LRRC75A: variants seen among roughly 807,000 people sequenced by gnomAD.
LRRC75A encodes the protein leucine-rich repeat-containing protein 75A.
In LRRC75A, 12 loss-of-function variants were observed where a neutral mutation model predicts 26.0. That is an observed-to-expected ratio of 0.46 (90% CI 0.30 to 0.75). LRRC75A has a LOEUF of 0.75. Among genes scored for constraint, LRRC75A ranks in the 30% least tolerant of loss-of-function variants. LRRC75A has a pLI of 0.08. For missense variants in LRRC75A, 410 were observed against 486.6 expected, an observed-to-expected ratio of 0.84 and a Z score of 1.48; for synonymous variants, 223 against 219.3, an observed-to-expected ratio of 1.02 and a Z score of -0.15.
intron 1 of LRRC75A, among the ~76,000 whole-genome samples, chr17:16,483,592 G>A (rs1039145951): frequency 5.3e-5 from 8 of 152,348 alleles, no homozygotes; most frequent in Non-Finnish European, 1.0e-4. Context: ...CTCAGCAGTG[G>A]TAGGGAAACT....
At position 16,483,233 on chromosome 17, in the gene LRRC75A, G is replaced by A. The variant is rs144384068; in HGVS notation, c.246+8512C>T. Among the ~76,000 whole-genome samples the A allele has an allele frequency of 8.5e-3, 1,300 of 152,378 alleles. 5 individuals carry two copies. Among genetic ancestry groups the A allele is most frequent in the Non-Finnish European group, 0.013 (901 of 68,028 alleles). On this transcript the variant is annotated intron_variant, in intron 1 of 3. Transcript: ENST00000470794. Reference sequence around the variant, plus strand: ...GTTTGTGGCACACAGGGCAGCTCGGGCCTCTGTGAGGGCTGGGCTTTGCTC... The same window carrying A: ...GTTTGTGGCACACAGGGCAGCTCGGACCTCTGTGAGGGCTGGGCTTTGCTC...
chr17:16,473,129 CTGTGTGTG>C (rs10640541), intron 1 of LRRC75A, among the ~76,000 whole-genome samples: 1 of 148,960 alleles, frequency 6.7e-6, no homozygotes, highest in Non-Finnish European at 1.5e-5. Context: ...TGTAAGTAGT[CTGTGTGTG>C]TGTGTGTGTG....
rs189391985 is a variant in LRRC75A, at chr17:16,459,742, A to T, written c.375+2516T>A. Among the ~76,000 whole-genome samples, 5 of 152,192 alleles carry T rather than the reference A, an allele frequency of 3.3e-5. No individual in the cohort carries two copies. The East Asian group carries it at 9.7e-4, about 29-fold the overall frequency. On this transcript the variant is annotated intron_variant, in intron 2 of 3. Coordinates refer to ENST00000470794, the MANE Select transcript of LRRC75A (RefSeq NM_001113567.3). ...AACTTCTCAGATGCAAATTGCTCTG[A>T]CCAGGATGTCCTGGTCAGCCCTCTG...
chr17:16,444,790 C>T (rs2093566502), intron 3 of LRRC75A, among the ~76,000 whole-genome samples: 1 of 151,716 alleles, frequency 6.6e-6, no homozygotes, highest in African/African-American at 2.4e-5. Context: ...CCCCACCCCA[C>T]CCCCGCCATC....
intron 1 of LRRC75A, among the ~76,000 whole-genome samples, chr17:16,471,212 G>T (rs1266938424): frequency 6.6e-6 from 1 of 152,220 alleles, no homozygotes; most frequent in East Asian, 1.9e-4. Flanking sequence ...GGCAGAGAAG[G>T]GAGTGATGCG....
At position 16,443,571 on chromosome 17, in the gene LRRC75A, G is replaced by C; in HGVS notation, c.*17C>G. On this transcript the variant is annotated 3_prime_UTR_variant, in exon 4 of 4. Coordinates refer to ENST00000470794, the MANE Select transcript of LRRC75A (RefSeq NM_001113567.3). The stretch of plus-strand genomic sequence containing the variant: ...CTACCCAACAAGGACTCCCTGGTGA[G>C]GCCCTTCACTTCCATGTCACGTCTG... 1 of 1,497,822 alleles carries C rather than the reference G, an allele frequency of 6.7e-7. No homozygotes were observed. The highest frequency in any genetic ancestry group is 1.3e-5 in the South Asian group (1 of 78,360). 92.8% of individuals were successfully genotyped at this position (1,497,822 alleles called of 1,614,324 possible).
rs2093737168 is a variant in LRRC75A at position 16,462,667 on chromosome 17, C to T, written c.247-281G>A. ...AGGACAGCCCCTGACCTTTGTCTCT[C>T]TGGTTTTCCAGAGGAGGAAGCCAAG... On this transcript the variant is annotated intron_variant, in intron 1 of 3. Transcript: ENST00000470794. The surrounding 1 kb of genome is among the most constrained non-coding windows in gnomAD (Gnocchi z 4.6). Among the ~76,000 whole-genome samples, 1 of 152,234 alleles carries T rather than the reference C, an allele frequency of 6.6e-6. No homozygotes were observed. Among genetic ancestry groups the T allele is most frequent in the African/African-American group, 2.4e-5 (1 of 41,466 alleles).
intron 2 of LRRC75A, among the ~76,000 whole-genome samples, chr17:16,455,323 T>C (rs1274355254): frequency 6.6e-6 from 1 of 152,154 alleles, no homozygotes. Context: ...TGTCTGGTTA[T>C]AGGAGTGTCA....
rs2093856413 is a variant in LRRC75A at position 16,491,216 on chromosome 17, C to T, written c.246+529G>A. On this transcript the variant is annotated intron_variant, in intron 1 of 3. Coordinates refer to ENST00000470794, the MANE Select transcript of LRRC75A (RefSeq NM_001113567.3). The surrounding 1 kb of genome is among the most constrained non-coding windows in gnomAD (Gnocchi z 5.9). ...GTCAGGGGAGAGGAAACAGTCTCCT[C>T]CTTGAACTACAATCCAGGATGCCTC... Among the ~76,000 whole-genome samples, 2 of 151,978 alleles carry T rather than the reference C, an allele frequency of 1.3e-5. No individual in the cohort carries two copies.
In LRRC75A at chr17:16,443,620, C is replaced by A. The variant is rs925521524; in HGVS notation, c.1003G>T (p.Gly335Cys). The change falls in exon 4 of 4, where the codon GGC becomes TGC. Residue 335 changes from glycine to cysteine, a missense_variant. Transcript: ENST00000470794. ...PVAPAEDHHE[G>C]KETVAAAQT ...TGAGCTGCAGCTACAGTCTCCTTGC[C>A]CTCATGGTGGTCTTCGGCAGGTGCC... 4 of 1,544,374 alleles carry A rather than the reference C, an allele frequency of 2.6e-6. No individual in the cohort carries two copies. The Admixed American group carries it at 7.9e-5, about 30-fold the overall frequency.
chr17:16,484,134 G>C lies in LRRC75A; in HGVS notation c.246+7611C>G, dbSNP rs972943311. On this transcript the variant is annotated intron_variant, in intron 1 of 3. Coordinates refer to ENST00000470794, the MANE Select transcript of LRRC75A (RefSeq NM_001113567.3). ...GGGCGGATCATGAAGTCAAGAGATC[G>C]AGACCATCCTGGCCAACATAGTGAA... Among the ~76,000 whole-genome samples the C allele has an allele frequency of 3.9e-5, 6 of 151,940 alleles. No homozygotes were observed. The South Asian group carries it at 1.0e-3, about 26-fold the overall frequency.
chr17:16,485,670 T>TGTGTGTGTG (rs2093845114), intron 1 of LRRC75A, among the ~76,000 whole-genome samples: 2 of 45,548 alleles, frequency 4.4e-5, no homozygotes, highest in African/African-American at 2.0e-4. Context: ...GTGTGTGTGT[T>TGTGTGTGTG]CGTGTGTGTG....
rs2093541550 is a variant in LRRC75A at position 16,442,656 on chromosome 17, GC to G, written c.*931del. 1 of 152,240 alleles carries G rather than the reference GC, an allele frequency of 6.6e-6. No homozygotes were observed. Among genetic ancestry groups the G allele is most frequent in the Non-Finnish European group, 1.5e-5 (1 of 68,072 alleles). 9.4% of individuals were successfully genotyped at this position (152,240 alleles called of 1,614,324 possible). ...TGTCCTAGGTTTTTAAGGTTTTAAA[GC>G]CCACCTTCTGCAGTCGGTTTTCTGG... On this transcript the variant is annotated 3_prime_UTR_variant, in exon 4 of 4. Transcript: ENST00000470794.
intron 1 of LRRC75A, among the ~76,000 whole-genome samples, chr17:16,470,881 C>T (rs1007046881): frequency 6.6e-6 from 1 of 152,158 alleles, no homozygotes; most frequent in Non-Finnish European, 1.5e-5. Context: ...CAGAGCTGCA[C>T]TCCCTCTAGA....
At chr17:16,476,835 T>C (rs769912163) in intron 1 of LRRC75A, among the ~76,000 whole-genome samples, 62 of 149,092 alleles carry the variant, frequency 4.2e-4, no homozygotes, top group Non-Finnish European at 7.5e-4. Context: ...GCCTCCCGGG[T>C]TCACGCCATT....
At position 16,492,099 on chromosome 17, in the gene LRRC75A, G is replaced by C; in HGVS notation, c.-109C>G. 1 of 983,048 alleles carries C rather than the reference G, an allele frequency of 1.0e-6. No individual in the cohort carries two copies. Among genetic ancestry groups the C allele is most frequent in the Non-Finnish European group, 1.2e-6 (1 of 818,368 alleles). 60.9% of individuals were successfully genotyped at this position (983,048 alleles called of 1,614,324 possible). Reference sequence around the variant, plus strand: ...CGCTCGCCTCCCGGGCTGCAACTTTGGGGGAACTGTTGCGCGCGGGCGTCG... The same window carrying C: ...CGCTCGCCTCCCGGGCTGCAACTTTCGGGGAACTGTTGCGCGCGGGCGTCG... On this transcript the variant is annotated 5_prime_UTR_variant, in exon 1 of 4. Transcript: ENST00000470794.
chr17:16,457,630 A>C (rs528303194), intron 2 of LRRC75A, among the ~76,000 whole-genome samples: 1 of 152,162 alleles, frequency 6.6e-6, no homozygotes, highest in Admixed American at 6.5e-5. Flanking sequence ...CATTAGAACC[A>C]ATAGAATGGT....
chr17:16,478,923 A>C (rs980493674), intron 1 of LRRC75A, among the ~76,000 whole-genome samples: 17 of 152,244 alleles, frequency 1.1e-4, no homozygotes, highest in African/African-American at 4.1e-4. Context: ...GGAGTGACTA[A>C]GCCTGAAGAA....
chr17:16,443,493 A>G lies in LRRC75A; in HGVS notation c.*95T>C. 8.1e-7 allele frequency: 1 copy of G among 1,241,910 alleles called. No individual in the cohort carries two copies. Among genetic ancestry groups the G allele is most frequent in the East Asian group, 2.6e-5 (1 of 38,658 alleles). 76.9% of individuals were successfully genotyped at this position (1,241,910 alleles called of 1,614,324 possible). A position where few individuals can be genotyped will look rare whatever the true frequency, so the allele number is the denominator to read the frequency against. On this transcript the variant is annotated 3_prime_UTR_variant, in exon 4 of 4. Transcript: ENST00000470794. ...GTGGCCCAGGCCAATTTTTGGCAAT[A>G]TCCTTAACCCACCTGATAGGAGAAG... is the stretch of plus-strand genomic sequence containing the variant.
Sources: gnomAD v4.1 joint callset for allele counts (sites outside exome capture counted in the v4.1 genomes callset) on GRCh38, gnomAD v4.1.1 for gene constraint, Gnocchi (gnomAD v3.1) non-coding constraint, MANE v1.5 for transcripts, NCBI Gene and HGNC (gene_info 2026-07-23, HGNC 2026-07-21) for gene names.